The following ITGBL1 variants were observed in gnomAD, a reference collection of about 807,000 sequenced individuals.
ITGBL1 encodes integrin subunit beta like 1.
Under a neutral mutation model 68.5 loss-of-function variants are expected in ITGBL1, and 51 were observed. The ratio of observed to expected loss-of-function variants is 0.74; its 90% CI spans 0.59 to 0.94. The LOEUF (loss-of-function observed/expected upper bound fraction) is 0.94. Among genes scored for constraint, ITGBL1 ranks in the 40% least tolerant of loss-of-function variants. ITGBL1 has a pLI of 0.00. For synonymous variants in ITGBL1, 209 were observed against 227.3 expected, an observed-to-expected ratio of 0.92 and a Z score of 0.72; for missense variants, 649 against 647.4, an observed-to-expected ratio of 1.00 and a Z score of -0.03.
chr13:101,617,440 G>A (rs2031410909), intron 7 of ITGBL1, among the ~76,000 whole-genome samples: 1 of 152,014 alleles, frequency 6.6e-6, no homozygotes, highest in Admixed American at 6.6e-5. Context: ...GTTTTAGTGT[G>A]TATCCATGAG....
intron 7 of ITGBL1, among the ~76,000 whole-genome samples, chr13:101,601,902 T>A (rs899976833): frequency 2.6e-5 from 4 of 152,106 alleles, no homozygotes; most frequent in Admixed American, 1.3e-4. Context: ...TGCACACACA[T>A]CTTAATTTAA....
intron 2 of ITGBL1, among the ~76,000 whole-genome samples, chr13:101,462,004 T>C (rs1349808980): frequency 6.6e-6 from 1 of 152,170 alleles, no homozygotes; most frequent in Admixed American, 6.5e-5. Context: ...TGGTTATTGG[T>C]GTTGAGATAA....
At chr13:101,630,081 C>G (rs1159691190) in intron 7 of ITGBL1, among the ~76,000 whole-genome samples, 1 of 152,138 alleles carries the variant, frequency 6.6e-6, no homozygotes, top group Non-Finnish European at 1.5e-5. Flanking sequence ...ATTGGCCTCC[C>G]AAAGTGCTGG....
chr13:101,488,333 C>T (rs9300669), intron 2 of ITGBL1, among the ~76,000 whole-genome samples: 28,699 of 151,816 alleles, frequency 0.19, 3,250 homozygotes, highest in East Asian at 0.48. Context: ...ATTTAACTGA[C>T]TCTCTATAAT....
chr13:101,574,807 G>A (rs778411805), intron 3 of ITGBL1, among the ~76,000 whole-genome samples: 1 of 151,948 alleles, frequency 6.6e-6, no homozygotes, highest in African/African-American at 2.4e-5. Flanking sequence ...CTAACGTGGA[G>A]GTCCCCTGAG....
downstream of ITGBL1, chr13:101,720,370 C>G (rs1224692093): frequency 6.6e-6 from 1 of 152,098 alleles, no homozygotes; most frequent in East Asian, 1.9e-4. Flanking sequence ...TTATAGACAC[C>G]CCATATATAA....
At chr13:101,579,121 C>T (rs540293508) in intron 4 of ITGBL1, among the ~76,000 whole-genome samples, 166 bp from the exon 5 acceptor site, 1 of 152,160 alleles carries the variant, frequency 6.6e-6, no homozygotes. Context: ...ATAGGCACAA[C>T]CATGATGTGT....
chr13:101,720,016 C>T (rs1003513111), downstream of ITGBL1: 2 of 151,968 alleles, frequency 1.3e-5, no homozygotes, highest in Non-Finnish European at 2.9e-5. Context: ...TAATGCAATG[C>T]CATTTTGTTA....
chr13:101,592,758 A>G (rs183255063), intron 6 of ITGBL1, among the ~76,000 whole-genome samples: 241 of 152,270 alleles, frequency 1.6e-3, no homozygotes, highest in African/African-American at 5.1e-3. Flanking sequence ...ACTACTTCTC[A>G]TGATATACAA....
At chr13:101,484,786 A>G (rs2048677021) in intron 2 of ITGBL1, among the ~76,000 whole-genome samples, 1 of 152,104 alleles carries the variant, frequency 6.6e-6, no homozygotes, top group Admixed American at 6.5e-5. Context: ...TAATTTGTGA[A>G]GGACAGGAAC....
At chr13:101,679,227 C>T (rs545998153) in intron 7 of ITGBL1, among the ~76,000 whole-genome samples, 70 of 152,098 alleles carry the variant, frequency 4.6e-4, no homozygotes, top group Non-Finnish European at 7.5e-4. Flanking sequence ...TCTATAGAAA[C>T]ATTTATCTGA....
chr13:101,673,901 G>A (rs1420966695), intron 7 of ITGBL1, among the ~76,000 whole-genome samples: 1 of 152,118 alleles, frequency 6.6e-6, no homozygotes, highest in Non-Finnish European at 1.5e-5. Context: ...CCTCTGACAT[G>A]GGATCAGAGT....
chr13:101,512,414 A>C (rs1291015641), intron 2 of ITGBL1, among the ~76,000 whole-genome samples: 1 of 152,190 alleles, frequency 6.6e-6, no homozygotes, highest in Non-Finnish European at 1.5e-5. Context: ...TTTCAAATTT[A>C]GAAATGTGGA....
chr13:101,540,195 T>G (rs1435433820), intron 2 of ITGBL1, among the ~76,000 whole-genome samples: 6 of 152,154 alleles, frequency 3.9e-5, no homozygotes, highest in Non-Finnish European at 5.9e-5. Context: ...GGTCTAACAT[T>G]TAAGTCTTTA....
chr13:101,562,948 A>G (rs1388718744), intron 2 of ITGBL1, among the ~76,000 whole-genome samples: 2 of 151,774 alleles, frequency 1.3e-5, no homozygotes, highest in African/African-American at 2.4e-5. Flanking sequence ...TCATATAATA[A>G]TGTGATTAAA....
At chr13:101,469,758 G>A (rs79721325) in intron 2 of ITGBL1, among the ~76,000 whole-genome samples, 2,002 of 152,228 alleles carry the variant, frequency 0.013, 36 homozygotes, top group African/African-American at 0.046. Context: ...GAGTGGCAAT[G>A]CGCTGATCTT....
At chr13:101,624,017 A>C (rs1226630839) in intron 7 of ITGBL1, among the ~76,000 whole-genome samples, 1 of 152,148 alleles carries the variant, frequency 6.6e-6, no homozygotes, top group South Asian at 2.1e-4. Context: ...ACAATCTCTT[A>C]TATTCATGTG....
At chr13:101,515,956 GA>G (rs1217498440) in intron 2 of ITGBL1, among the ~76,000 whole-genome samples, 2 of 152,112 alleles carry the variant, frequency 1.3e-5, no homozygotes, top group Non-Finnish European at 2.9e-5. Flanking sequence ...TGGAAGGCCT[GA>G]TTAACTAACT....
At chr13:101,526,614 C>G (rs1354921084) in intron 2 of ITGBL1, among the ~76,000 whole-genome samples, 1 of 151,738 alleles carries the variant, frequency 6.6e-6, no homozygotes, top group African/African-American at 2.4e-5. Flanking sequence ...TCTAGGCGCT[C>G]TTTTGGTTTG....
Sources: allele counts gnomAD v4.1 joint callset (sites outside exome capture counted in the v4.1 genomes callset), GRCh38; gene constraint gnomAD v4.1.1; transcripts MANE v1.5; gene names NCBI Gene and HGNC (gene_info 2026-07-23, HGNC 2026-07-21).